GLOD4: variants seen among roughly 807,000 people sequenced by gnomAD.
GLOD4 encodes the protein glyoxalase domain-containing protein 4.
GLOD4 carries 44 observed loss-of-function variants against 39.1 expected under a neutral mutation model. That is an observed-to-expected ratio of 1.13 (90% CI 0.88 to 1.45). GLOD4 has a LOEUF of 1.45. Among genes scored for constraint, GLOD4 ranks in the 40% most tolerant of loss-of-function variants. The pLI, the probability that GLOD4 is intolerant of heterozygous loss-of-function variation, is 0.00. For synonymous variants in GLOD4, 145 were observed against 135.0 expected, an observed-to-expected ratio of 1.07 and a Z score of -0.52; for missense variants, 405 against 366.4, an observed-to-expected ratio of 1.11 and a Z score of -0.86.
Position 775,838 on chromosome 17 carries a change from A to G in GLOD4, c.343T>C (p.Phe115Leu). ...WPLTEVAEGV[F>L]ETEAPGGYKF... ...TATCCTCCCGGGGCCTCGGTTTCAAAAACACCTTCTGCAACTTCCGTCAGT... is the reference window on the plus strand; with the variant it reads ...TATCCTCCCGGGGCCTCGGTTTCAAGAACACCTTCTGCAACTTCCGTCAGT... The change falls in exon 4 of 9, where the codon TTT (phenylalanine) becomes CTT (leucine). Residue 115 changes from phenylalanine to leucine, a missense_variant. Physicochemically the swap from Phe to Leu is conservative, Grantham distance 22. Transcript: ENST00000301329. The G allele has an allele frequency of 6.2e-7, 1 of 1,613,996 alleles. No individual in the cohort carries two copies. The highest frequency in any genetic ancestry group is 1.3e-5 in the African/African-American group (1 of 75,044).
At chr17:767,489 G>A (rs766866043) in intron 8 of GLOD4, among the ~76,000 whole-genome samples, 1 of 150,602 alleles carries the variant, frequency 6.6e-6, no homozygotes, top group Non-Finnish European at 1.5e-5. Flanking sequence ...AAGAAATCTG[G>A]AGAGGACGTA....
intron 8 of GLOD4, among the ~76,000 whole-genome samples, chr17:765,999 G>A (rs1189687652): frequency 6.6e-6 from 1 of 151,680 alleles, no homozygotes; most frequent in East Asian, 2.0e-4. Flanking sequence ...CAGAGGAGAA[G>A]AGAGCTCAGG....
chr17:764,163 A>G (rs780865435), intron 8 of GLOD4: 7 of 152,234 alleles, frequency 4.6e-5, no homozygotes, highest in Non-Finnish European at 8.8e-5. Flanking sequence ...CATCAGGGAA[A>G]TAAAAATTAA....
rs531086930 is a variant in GLOD4, at chr17:771,528, G to A, written c.407-67C>T. On this transcript the variant is annotated intron_variant, in intron 4 of 8. Coordinates refer to ENST00000301329, the MANE Select transcript of GLOD4 (RefSeq NM_016080.4). ...GAATAAAATAGAAAGACCAAAACAT[G>A]CGCATGTATACTTACAAATTCAGTT... 51 of 865,416 alleles carry A rather than the reference G, an allele frequency of 5.9e-5. No homozygotes were observed. In the African/African-American group the frequency reaches 8.9e-4, roughly 15 times the overall value. 53.6% of individuals were successfully genotyped at this position (865,416 alleles called of 1,614,324 possible).
intron 5 of GLOD4, 28 bp from the exon 6 acceptor site, chr17:770,535 G>A: frequency 1.9e-6 from 2 of 1,038,850 alleles, no homozygotes; most frequent in Non-Finnish European, 3.1e-6. Context: ...GTTATTTTTT[G>A]GAACAGGTTA....
chr17:768,569 C>T (rs1451622522), intron 8 of GLOD4, among the ~76,000 whole-genome samples: 3 of 127,334 alleles, frequency 2.4e-5, no homozygotes, highest in African/African-American at 3.2e-5. Flanking sequence ...AGAAACAGCG[C>T]GCACTCAGAT....
Position 773,022 on chromosome 17 carries a change from C to A in GLOD4, c.407-1561G>T, listed in dbSNP as rs540390883. ...AAAAAAAAAAAAAATTTCAACCCGA[C>A]GCCCCCAAACAACAAAGAAATTAGA... On this transcript the variant is annotated intron_variant, in intron 4 of 8. Coordinates refer to ENST00000301329, the MANE Select transcript of GLOD4 (RefSeq NM_016080.4). 2.0e-5 allele frequency among the ~76,000 whole-genome samples: 3 copies of A among 151,826 alleles called. No individual in the cohort carries two copies. The East Asian group carries it at 5.8e-4, about 29-fold the overall frequency.
At chr17:780,857 A>G (rs752040794) in intron 1 of GLOD4, 2 of 153,424 alleles carry the variant, frequency 1.3e-5, no homozygotes, top group Admixed American at 6.6e-5. Flanking sequence ...AGTGGCTAAC[A>G]CTTATATAAT....
chr17:768,240 G>A (rs111388911), intron 8 of GLOD4, among the ~76,000 whole-genome samples: 10 of 149,660 alleles, frequency 6.7e-5, no homozygotes, highest in South Asian at 4.3e-4. Flanking sequence ...GAAACAGCGC[G>A]CACTCAGATT....
intron 1 of GLOD4, among the ~76,000 whole-genome samples, chr17:781,451 G>T (rs1004810577): frequency 6.6e-6 from 1 of 152,168 alleles, no homozygotes; most frequent in Non-Finnish European, 1.5e-5. Context: ...ACTCAACGTA[G>T]TACCCTGAAA....
intron 8 of GLOD4, among the ~76,000 whole-genome samples, chr17:761,974 G>A (rs958254952): frequency 6.6e-6 from 1 of 152,198 alleles, no homozygotes; most frequent in African/African-American, 2.4e-5. Flanking sequence ...AGGTCAGAGG[G>A]TAGAGAATGT....
At chr17:761,355 A>T (rs117907437) in intron 8 of GLOD4, among the ~76,000 whole-genome samples, 2,202 of 152,306 alleles carry the variant, frequency 0.014, 34 homozygotes, top group East Asian at 0.061. Context: ...TCTTAGTACT[A>T]TCTGATTTAT....
At chr17:772,354 C>T (rs1478595100) in intron 4 of GLOD4, among the ~76,000 whole-genome samples, 1 of 150,734 alleles carries the variant, frequency 6.6e-6, no homozygotes, top group Admixed American at 6.6e-5. Flanking sequence ...AGAATGAAAC[C>T]ATGAAAATAC....
chr17:782,784 A>G (rs1284747045), upstream of GLOD4: 4 of 1,332,710 alleles, frequency 3.0e-6, no homozygotes, highest in East Asian at 2.5e-5. Context: ...GACTTCTTCC[A>G]GTACAGCCCG....
chr17:784,091 G>C (rs146470547), upstream of GLOD4, among the ~76,000 whole-genome samples: 1 of 152,320 alleles, frequency 6.6e-6, no homozygotes, highest in Non-Finnish European at 1.5e-5. Flanking sequence ...TCCTTCATTT[G>C]GCTGAATCTG....
At chr17:764,740 G>A (rs1906145627) in intron 8 of GLOD4, 1 of 152,106 alleles carries the variant, frequency 6.6e-6, no homozygotes, top group South Asian at 2.1e-4. Flanking sequence ...CGGGCGCGGT[G>A]GCTCACACCT....
chr17:782,697 T>C (rs762432792), upstream of GLOD4: 7 of 1,593,820 alleles, frequency 4.4e-6, no homozygotes, highest in Non-Finnish European at 6.0e-6. Context: ...GCTGAGGTGA[T>C]GTGGTTCTTG....
At chr17:774,397 G>A (rs1653990511) in intron 4 of GLOD4, among the ~76,000 whole-genome samples, 1 of 152,240 alleles carries the variant, frequency 6.6e-6, no homozygotes, top group Non-Finnish European at 1.5e-5. Flanking sequence ...GTCGGCACAA[G>A]TGCCCTTGCC....
At chr17:776,693 T>C (rs375905573) in intron 3 of GLOD4, among the ~76,000 whole-genome samples, 175 bp downstream of exon 3, 5 of 152,130 alleles carry the variant, frequency 3.3e-5, no homozygotes, top group African/African-American at 1.2e-4. Context: ...TGCCAGAATA[T>C]TCTCTGCCTG....
Sources: allele counts gnomAD v4.1 joint callset (sites outside exome capture counted in the v4.1 genomes callset), GRCh38; gene constraint gnomAD v4.1.1; transcripts MANE v1.5; gene names NCBI Gene and HGNC (gene_info 2026-07-23, HGNC 2026-07-21).